Variants in KLHL24 observed in about 807,000 individuals in gnomAD.
The protein encoded by KLHL24 is kelch like family member 24.
In KLHL24, 29 loss-of-function variants were observed where a neutral mutation model predicts 53.4. The ratio of observed to expected loss-of-function variants is 0.54; its 90% CI spans 0.40 to 0.74. The LOEUF is 0.74. Ranked by LOEUF, KLHL24 falls within the 30% of genes least tolerant of loss-of-function variation. The probability of loss-of-function intolerance (pLI) is 0.00; values close to 1 mark genes in which losing one functional copy is unlikely to be tolerated. For synonymous variants in KLHL24, 222 were observed against 253.7 expected, an observed-to-expected ratio of 0.88 and a Z score of 1.19; for missense variants, 504 against 744.0, an observed-to-expected ratio of 0.68 and a Z score of 3.75.
At chr3:183,655,241 G>A (rs577423208) in intron 3 of KLHL24, among the ~76,000 whole-genome samples, 4 of 152,320 alleles carry the variant, frequency 2.6e-5, no homozygotes, top group Non-Finnish European at 5.9e-5. Flanking sequence ...TTAAGAGCAC[G>A]AAAGCTTTGA....
At chr3:183,637,422 A>T (rs766942153) in intron 1 of KLHL24, among the ~76,000 whole-genome samples, 1 of 152,204 alleles carries the variant, frequency 6.6e-6, no homozygotes, top group Middle Eastern at 3.2e-3. Context: ...ACACACTTCT[A>T]TGTTTTAATT....
At chr3:183,666,268 T>C (rs562006240) in intron 5 of KLHL24, among the ~76,000 whole-genome samples, 2,351 of 152,168 alleles carry the variant, frequency 0.015, 45 homozygotes, top group African/African-American at 0.054. Context: ...TATTTTTTTT[T>C]TCTTTTGTTT....
At position 183,680,010 on chromosome 3, in the gene KLHL24, G is replaced by A. The variant is rs1291411683; in HGVS notation, c.*724G>A. 2 of 152,130 alleles carry A rather than the reference G, an allele frequency of 1.3e-5. No homozygotes were observed. The highest frequency in any genetic ancestry group is 4.8e-5 in the African/African-American group (2 of 41,452). 9.4% of individuals were successfully genotyped at this position (152,130 alleles called of 1,614,324 possible). A position where few individuals can be genotyped will look rare whatever the true frequency, so the allele number is the denominator to read the frequency against. On this transcript the variant is annotated 3_prime_UTR_variant, in exon 8 of 8. Transcript: ENST00000242810. The stretch of plus-strand genomic sequence containing the variant: ...AGAGAAAAATGGAATGGCCTTTGAA[G>A]GAAAAATGACCCACTATGGCTCTCA...
At chr3:183,660,131 CTTTT>C (rs11366516) in intron 3 of KLHL24, among the ~76,000 whole-genome samples, 74 of 135,410 alleles carry the variant, frequency 5.5e-4, no homozygotes, top group Non-Finnish European at 5.6e-4. Context: ...GTTTTTCTTT[CTTTT>C]TTTTTTTTTT....
intron 4 of KLHL24, chr3:183,664,146 A>G (rs1333309980): frequency 6.6e-6 from 1 of 152,188 alleles, no homozygotes; most frequent in Non-Finnish European, 1.5e-5. Context: ...ACAAGATGAC[A>G]TGGAATGATT....
intron 3 of KLHL24, among the ~76,000 whole-genome samples, chr3:183,662,427 T>C (rs1719943464): frequency 6.6e-6 from 1 of 152,084 alleles, no homozygotes; most frequent in Non-Finnish European, 1.5e-5. Context: ...AGAAGAAGGA[T>C]TGTTGGCATT....
At chr3:183,659,824 T>C (rs1258550316) in intron 3 of KLHL24, among the ~76,000 whole-genome samples, 1 of 152,234 alleles carries the variant, frequency 6.6e-6, no homozygotes, top group Non-Finnish European at 1.5e-5. Context: ...ATCTCTGATG[T>C]AGCCAGACAA....
At chr3:183,657,274 A>G (rs1407954134) in intron 3 of KLHL24, among the ~76,000 whole-genome samples, 1 of 152,144 alleles carries the variant, frequency 6.6e-6, no homozygotes, top group African/African-American at 2.4e-5. Context: ...TTGACCATAC[A>G]TGGCAAGTTG....
chr3:183,677,431 A>G (rs112047940), intron 7 of KLHL24, among the ~76,000 whole-genome samples: 39 of 152,350 alleles, frequency 2.6e-4, no homozygotes, highest in African/African-American at 8.9e-4. Context: ...GTCTTTCACT[A>G]TATGATAATA....
intron 3 of KLHL24, among the ~76,000 whole-genome samples, chr3:183,656,136 A>G (rs1718855387): frequency 7.1e-6 from 1 of 140,036 alleles, no homozygotes; most frequent in African/African-American, 2.7e-5. Context: ...GCCTAGGCTC[A>G]GGTGATTCTC....
At chr3:183,637,236 G>T (rs1715445210) in intron 1 of KLHL24, among the ~76,000 whole-genome samples, 1 of 152,160 alleles carries the variant, frequency 6.6e-6, no homozygotes, top group South Asian at 2.1e-4. Flanking sequence ...CAGCTAAGAG[G>T]TTGGTTTTTA....
Position 183,682,669 on chromosome 3 carries a change from A to G in KLHL24, c.*3383A>G, listed in dbSNP as rs1162112787. ...AATGTTTTGTGGACTGATACATTTT[A>G]TCTTACTGAATATGAATTGTTTATG... On this transcript the variant is annotated 3_prime_UTR_variant, in exon 8 of 8. Transcript: ENST00000242810. 6.6e-6 allele frequency: 1 copy of G among 152,620 alleles called. No individual in the cohort carries two copies. Among genetic ancestry groups the G allele is most frequent in the East Asian group, 1.9e-4 (1 of 5,194 alleles). 9.5% of individuals were successfully genotyped at this position (152,620 alleles called of 1,614,324 possible).
At position 183,663,602 on chromosome 3, in the gene KLHL24, G is replaced by C. The variant is rs1720099782; in HGVS notation, c.1065G>C (p.Glu355Asp). The C allele has an allele frequency of 1.2e-6, 2 of 1,602,942 alleles. No individual in the cohort carries two copies. Among genetic ancestry groups the C allele is most frequent in the African/African-American group, 2.7e-5 (2 of 74,676 alleles). Reference sequence around the variant, plus strand: ...AGCTTCCAGAATTTACCAAATCAGAGTATGCAGTCTGTGCTCTAAGGAATG... The same window carrying C: ...AGCTTCCAGAATTTACCAAATCAGACTATGCAGTCTGTGCTCTAAGGAATG... ...LAKLPEFTKS[E>D]YAVCALRNDI... is the part of the protein sequence containing the mutation. The change falls in exon 4 of 8, where the codon GAG becomes GAC. Residue 355 changes from glutamate to aspartate, a missense_variant. Glu to Asp is a conservative substitution (Grantham distance 45). Transcript: ENST00000242810. This position sits in a 1 kb window ranked among gnomAD's most constrained non-coding sequence, Gnocchi z 4.9.
Position 183,663,740 on chromosome 3 carries a change from C to T in KLHL24, c.1105+98C>T. 1.6e-6 allele frequency: 1 copy of T among 620,150 alleles called. No homozygotes were observed. The highest frequency in any genetic ancestry group is 2.5e-6 in the Non-Finnish European group (1 of 393,306). The allele number at this position is 620,150 out of a possible 1,614,324, so 38.4% of individuals were successfully genotyped here. A position where few individuals can be genotyped will look rare whatever the true frequency, so the allele number is the denominator to read the frequency against. On this transcript the variant is annotated intron_variant, in intron 4 of 7. Coordinates refer to ENST00000242810, the MANE Select transcript of KLHL24 (RefSeq NM_017644.3). This position sits in a 1 kb window ranked among gnomAD's most constrained non-coding sequence, Gnocchi z 4.9. ...CTTAAAATAGTGAAATGTGAATACT[C>T]CCACTTGAGGAAGATCAGTTTACAA...
At chr3:183,666,170 C>T (rs1047671436) in intron 5 of KLHL24, among the ~76,000 whole-genome samples, 14 of 152,086 alleles carry the variant, frequency 9.2e-5, no homozygotes, top group Admixed American at 6.5e-5. Context: ...TATGAGCCAC[C>T]GCACCTAGCC....
In KLHL24 at chr3:183,650,649, A is replaced by G. The variant is rs1377156354; in HGVS notation, c.293A>G (p.Asp98Gly). 6.2e-7 allele frequency: 1 copy of G among 1,614,162 alleles called. No homozygotes were observed. The change falls in exon 3 of 8, where the codon GAC becomes GGC. Residue 98 changes from aspartate to glycine, a missense_variant. Transcript: ENST00000242810. The surrounding 1 kb of genome is among the most constrained non-coding windows in gnomAD (Gnocchi z 4.5). ...TACTTCAGAGCTATGTTTTGTAATG[A>G]CCACAGGGAAAGCCGAGAAATGTTG... is the stretch of plus-strand genomic sequence containing the variant. ...SSYFRAMFCN[D>G]HRESREMLVE...
At chr3:183,674,958 G>T (rs1277600478) in intron 7 of KLHL24, among the ~76,000 whole-genome samples, 2 of 152,168 alleles carry the variant, frequency 1.3e-5, no homozygotes, top group East Asian at 3.9e-4. Context: ...GTACAACAGA[G>T]TTTAACTGGG....
chr3:183,651,547 T>C (rs941728680), intron 3 of KLHL24, among the ~76,000 whole-genome samples: 1 of 152,216 alleles, frequency 6.6e-6, no homozygotes, highest in Non-Finnish European at 1.5e-5. Flanking sequence ...TTTCTACTAA[T>C]TTCTCTTAAC....
At chr3:183,645,928 C>T (rs1422524109) in intron 2 of KLHL24, among the ~76,000 whole-genome samples, 1 of 152,122 alleles carries the variant, frequency 6.6e-6, no homozygotes, top group African/African-American at 2.4e-5. Flanking sequence ...TATATGTGTT[C>T]ATTTAAATAG....
Sources: allele counts gnomAD v4.1 joint callset (sites outside exome capture counted in the v4.1 genomes callset), GRCh38; gene constraint gnomAD v4.1.1; non-coding constraint Gnocchi (gnomAD v3.1); transcripts MANE v1.5; gene names NCBI Gene and HGNC (gene_info 2026-07-23, HGNC 2026-07-21).